Variants in ZBTB20 observed in about 807,000 individuals in gnomAD.
ZBTB20 encodes the protein zinc finger and BTB domain containing 20.
Under a neutral mutation model 56.9 loss-of-function variants are expected in ZBTB20, and 9 were observed. The ratio of observed to expected loss-of-function variants is 0.16; its 90% confidence interval spans 0.10 to 0.28. The LOEUF is 0.28. ZBTB20 is among the 10% of genes least tolerant of loss of function. The pLI is 1.00. For synonymous variants in ZBTB20, 417 were observed against 420.7 expected (o/e 0.99, Z 0.11); for missense variants, 655 against 1,003.0 (o/e 0.65, Z 4.69).
intron 5 of ZBTB20, among the ~76,000 whole-genome samples, chr3:114,730,712 T>G (rs2108538704): frequency 6.6e-6 from 1 of 152,298 alleles, no homozygotes; most frequent in South Asian, 2.1e-4. Context: ...AGTATTGGAC[T>G]TCTAGCCTCC....
intron 2 of ZBTB20, among the ~76,000 whole-genome samples, chr3:115,007,752 T>G (rs2079537838): frequency 6.6e-6 from 1 of 151,894 alleles, no homozygotes; most frequent in Admixed American, 6.6e-5. Context: ...GAAAACTGAC[T>G]TCTGCCCTTA....
intron 7 of ZBTB20, among the ~76,000 whole-genome samples, chr3:114,414,716 A>ATATAAAATATATAAAATATAAT: frequency 6.8e-6 from 1 of 147,798 alleles, no homozygotes; most frequent in East Asian, 1.9e-4. Flanking sequence ...CTATATATTT[A>ATATAAAATATATAAAATATAAT]TATAAAATAT....
At chr3:114,796,834 A>T (rs2071369764) in intron 5 of ZBTB20, among the ~76,000 whole-genome samples, 1 of 151,904 alleles carries the variant, frequency 6.6e-6, no homozygotes, top group Non-Finnish European at 1.5e-5. Context: ...TTAAATAAGG[A>T]TGTTGGAAAT....
intron 3 of ZBTB20, among the ~76,000 whole-genome samples, chr3:114,913,467 A>G (rs2075622834): frequency 1.3e-5 from 2 of 151,878 alleles, no homozygotes; most frequent in African/African-American, 4.8e-5. Context: ...TGAACTCCTT[A>G]TATATTCTGG....
At chr3:114,904,849 G>A (rs1029900881) in intron 3 of ZBTB20, among the ~76,000 whole-genome samples, 8 of 151,898 alleles carry the variant, frequency 5.3e-5, no homozygotes, top group African/African-American at 1.9e-4. Context: ...GAAGGAAAAG[G>A]AAATCATATG....
At chr3:114,962,561 C>A (rs973295523) in intron 3 of ZBTB20, among the ~76,000 whole-genome samples, 2 of 152,068 alleles carry the variant, frequency 1.3e-5, no homozygotes, top group African/African-American at 4.8e-5. Flanking sequence ...CTTGGGGCAG[C>A]AGTATAATAT....
intron 6 of ZBTB20, among the ~76,000 whole-genome samples, chr3:114,520,333 T>C (rs552935822): frequency 2.0e-5 from 3 of 152,276 alleles, no homozygotes; most frequent in South Asian, 4.1e-4. Context: ...ACAATGCAAA[T>C]TGACTCATTC....
chr3:114,843,477 C>G (rs1429987356), intron 4 of ZBTB20, among the ~76,000 whole-genome samples: 6 of 152,162 alleles, frequency 3.9e-5, no homozygotes, highest in African/African-American at 1.4e-4. Flanking sequence ...GGAGCTAGGT[C>G]TTCATTCTGG....
intron 7 of ZBTB20, among the ~76,000 whole-genome samples, chr3:114,486,409 A>G (rs962385109): frequency 6.6e-6 from 1 of 152,178 alleles, no homozygotes; most frequent in African/African-American, 2.4e-5. Flanking sequence ...CAGATAGTGC[A>G]TGCTTACTGA....
chr3:114,517,700 C>T (rs1320628233), intron 6 of ZBTB20, among the ~76,000 whole-genome samples: 1 of 151,946 alleles, frequency 6.6e-6, no homozygotes, highest in African/African-American at 2.4e-5. Flanking sequence ...CTCAGCCTCC[C>T]TAGTAGCTGG....
chr3:114,975,897 C>T (rs1297088073), intron 2 of ZBTB20, among the ~76,000 whole-genome samples: 1 of 152,126 alleles, frequency 6.6e-6, no homozygotes, highest in Non-Finnish European at 1.5e-5. Context: ...TTCACTGTAA[C>T]CCCATTTTCT....
chr3:114,342,301 T>G (rs540686763), intron 11 of ZBTB20, among the ~76,000 whole-genome samples: 1 of 152,336 alleles, frequency 6.6e-6, no homozygotes, highest in East Asian at 1.9e-4. Flanking sequence ...GTCTGTCGAT[T>G]GTTGCTCTCC....
intron 2 of ZBTB20, among the ~76,000 whole-genome samples, chr3:115,024,960 T>A (rs1279390075): frequency 6.6e-6 from 1 of 151,214 alleles, no homozygotes; most frequent in African/African-American, 2.4e-5. Flanking sequence ...ACTTTTATTT[T>A]AAGTTCAGGG....
At chr3:115,131,215 T>C (rs1307868856) in intron 1 of ZBTB20, among the ~76,000 whole-genome samples, 2 of 152,190 alleles carry the variant, frequency 1.3e-5, no homozygotes, top group Non-Finnish European at 2.9e-5. Flanking sequence ...TAAATAGTTA[T>C]CCATTTTTAT....
chr3:114,637,088 A>G lies in ZBTB20; in HGVS notation c.-295+56440T>C, dbSNP rs529773007. Among the ~76,000 whole-genome samples the G allele has an allele frequency of 6.6e-4, 100 of 152,254 alleles. No individual in the cohort carries two copies. The Middle Eastern group carries it at 0.031, about 47-fold the overall frequency. On this transcript the variant is annotated intron_variant, in intron 6 of 11. Transcript: ENST00000675478. ...TCAGCCAAAAATTGTCACAAGAGACAGAGAGAAGGTCATTATATAACAAGA... is the reference window on the plus strand; with the variant it reads ...TCAGCCAAAAATTGTCACAAGAGACGGAGAGAAGGTCATTATATAACAAGA...
chr3:114,627,570 T>C (rs779427373), intron 6 of ZBTB20, among the ~76,000 whole-genome samples: 9 of 152,114 alleles, frequency 5.9e-5, no homozygotes, highest in Non-Finnish European at 1.0e-4. Context: ...AATGACAAGG[T>C]TCAATAGCAA....
At chr3:114,453,179 C>T (rs187703179) in intron 7 of ZBTB20, among the ~76,000 whole-genome samples, 14 of 152,246 alleles carry the variant, frequency 9.2e-5, no homozygotes, top group Non-Finnish European at 1.5e-4. Flanking sequence ...TAAAAATATA[C>T]ATGCATAGGC....
rs72960334 is a variant in ZBTB20 at position 114,960,061 on chromosome 3, G to A, written c.-456+14305C>T. 4.8e-3 allele frequency among the ~76,000 whole-genome samples: 728 copies of A among 152,280 alleles called. 10 individuals are homozygous for A. The highest frequency in any genetic ancestry group is 0.017 in the African/African-American group (701 of 41,572). ...ATATGTATAAAACAGGAAGATACACGAAAAGCTTTTGCCCACTTGGTGAAT... is the reference window on the plus strand; with the variant it reads ...ATATGTATAAAACAGGAAGATACACAAAAAGCTTTTGCCCACTTGGTGAAT... On this transcript the variant is annotated intron_variant, in intron 3 of 11. Coordinates refer to ENST00000675478, the MANE Select transcript of ZBTB20 (RefSeq NM_001348800.3).
chr3:114,816,283 G>A (rs1389436692), intron 4 of ZBTB20, among the ~76,000 whole-genome samples: 1 of 152,190 alleles, frequency 6.6e-6, no homozygotes, highest in African/African-American at 2.4e-5. Flanking sequence ...GAGGAAGTAT[G>A]CTGGGTGCAA....
Sources: allele counts gnomAD v4.1 joint callset (sites outside exome capture counted in the v4.1 genomes callset), GRCh38; gene constraint gnomAD v4.1.1; transcripts MANE v1.5; gene names NCBI Gene and HGNC (gene_info 2026-07-23, HGNC 2026-07-21).